Variants in PCGF5 observed in about 807,000 individuals in gnomAD.
The protein encoded by PCGF5 is polycomb group RING finger protein 5.
A neutral mutation model predicts 44.3 loss-of-function variants in PCGF5; 9 were observed. The ratio of observed to expected loss-of-function variants is 0.20; its 90% CI spans 0.12 to 0.35. The LOEUF is 0.35. Among genes scored for constraint, PCGF5 ranks in the 10% least tolerant of loss-of-function variants. The pLI is 1.00. For synonymous variants in PCGF5, 95 were observed against 102.5 expected, an observed-to-expected ratio of 0.93 and a Z score of 0.44; for missense variants, 146 against 305.3, an observed-to-expected ratio of 0.48 and a Z score of 3.89.
At position 91,282,616 on chromosome 10, in the gene PCGF5, C is replaced by T. The variant is rs965942188; in HGVS notation, c.*4300C>T. 2.4e-4 allele frequency: 37 copies of T among 152,598 alleles called. No individual in the cohort carries two copies. The highest frequency in any genetic ancestry group is 8.2e-4 in the African/African-American group (34 of 41,438). 9.5% of individuals were successfully genotyped at this position (152,598 alleles called of 1,614,324 possible). A position where few individuals can be genotyped will look rare whatever the true frequency, so the allele number is the denominator to read the frequency against. On this transcript the variant is annotated 3_prime_UTR_variant, in exon 10 of 10. Transcript: ENST00000336126. Reference sequence around the variant, plus strand: ...CATCAAGAGGAAGTTCCATATCCCCCTTGTACCATTTCTCCTTGGGAACTC... The same window carrying T: ...CATCAAGAGGAAGTTCCATATCCCCTTTGTACCATTTCTCCTTGGGAACTC...
chr10:91,262,291 T>G (rs1028958599), intron 7 of PCGF5, among the ~76,000 whole-genome samples: 3 of 152,044 alleles, frequency 2.0e-5, no homozygotes, highest in Non-Finnish European at 4.4e-5. Context: ...CCGGGTGTGG[T>G]GGCAGGTGCC....
At chr10:91,197,912 G>A (rs528301117) in intron 1 of PCGF5, among the ~76,000 whole-genome samples, 12 of 152,284 alleles carry the variant, frequency 7.9e-5, no homozygotes, top group African/African-American at 2.9e-4. Flanking sequence ...TTAGGAAAGA[G>A]TTCTCCTGGT....
intron 5 of PCGF5, among the ~76,000 whole-genome samples, 174 bp downstream of exon 5, chr10:91,248,898 G>A (rs376238542): frequency 2.0e-4 from 31 of 152,038 alleles, no homozygotes; most frequent in African/African-American, 4.8e-4. Context: ...ATAAATGAGT[G>A]TAAATCTGAA....
At chr10:91,277,778 G>A (rs1343588754) in intron 9 of PCGF5, among the ~76,000 whole-genome samples, 4 of 152,024 alleles carry the variant, frequency 2.6e-5, no homozygotes, top group African/African-American at 9.7e-5. Context: ...AAACTTGTAA[G>A]AAATATGATT....
the PCGF5 span, among the ~76,000 whole-genome samples, chr10:91,157,508 G>A: frequency 1.3e-5 from 2 of 152,168 alleles, no homozygotes; most frequent in Non-Finnish European, 2.9e-5. Flanking sequence ...TGGAGACAGT[G>A]AAACCATTAG....
chr10:91,242,982 TA>T (rs1380159729), intron 3 of PCGF5, among the ~76,000 whole-genome samples: 2 of 152,232 alleles, frequency 1.3e-5, no homozygotes, highest in African/African-American at 2.4e-5. Context: ...GGAATTTTTT[TA>T]AAGACATAAA....
intron 3 of PCGF5, 150 bp from the exon 4 acceptor site, chr10:91,248,355 T>A (rs1845525251): frequency 1.4e-6 from 1 of 708,972 alleles, no homozygotes; most frequent in Admixed American, 2.6e-5. Flanking sequence ...TAAATAAGTG[T>A]GTTCCATGGA....
At chr10:91,246,329 CAG>C (rs2133364734) in intron 3 of PCGF5, among the ~76,000 whole-genome samples, 1 of 152,130 alleles carries the variant, frequency 6.6e-6, no homozygotes, top group South Asian at 2.1e-4. Flanking sequence ...TCGGAGAGTA[CAG>C]AGAGTATTTG....
At chr10:91,224,270 G>T (rs903734707) in intron 2 of PCGF5, among the ~76,000 whole-genome samples, 2 of 152,106 alleles carry the variant, frequency 1.3e-5, no homozygotes, top group Non-Finnish European at 2.9e-5. Flanking sequence ...GGTATTACTG[G>T]CACATCTTAT....
chr10:91,246,798 A>G (rs1845470821), intron 3 of PCGF5, among the ~76,000 whole-genome samples: 1 of 152,122 alleles, frequency 6.6e-6, no homozygotes, highest in Admixed American at 6.6e-5. Context: ...AAAAAGCGAG[A>G]CAATGACTGG....
At chr10:91,197,584 A>G (rs1394314276) in intron 1 of PCGF5, among the ~76,000 whole-genome samples, 4 of 152,106 alleles carry the variant, frequency 2.6e-5, no homozygotes, top group Non-Finnish European at 5.9e-5. Context: ...AATGACTGGT[A>G]TGAGCTCACA....
chr10:91,244,452 C>T (rs1342944688), intron 3 of PCGF5, among the ~76,000 whole-genome samples: 1 of 152,170 alleles, frequency 6.6e-6, no homozygotes, highest in African/African-American at 2.4e-5. Context: ...GCAGAGAGAT[C>T]ATGAGATTCC....
At chr10:91,264,371 A>G (rs1845998049) in intron 7 of PCGF5, 60 bp from the exon 8 acceptor site, 2 of 1,377,034 alleles carry the variant, frequency 1.5e-6, no homozygotes, top group Admixed American at 2.3e-5. Flanking sequence ...TTCAAAAAAT[A>G]TGCAAAATAC....
intron 8 of PCGF5, among the ~76,000 whole-genome samples, chr10:91,270,116 A>C (rs1359984468): frequency 2.0e-5 from 3 of 152,182 alleles, no homozygotes; most frequent in Non-Finnish European, 4.4e-5. Flanking sequence ...TTCATCCCTG[A>C]GAGCTTATTG....
At chr10:91,217,739 A>G (rs985680677), upstream of PCGF5, among the ~76,000 whole-genome samples, 1 of 152,090 alleles carries the variant, frequency 6.6e-6, no homozygotes. Flanking sequence ...CTCCTCATCC[A>G]TTCTTCCCTT....
intron 1 of PCGF5, among the ~76,000 whole-genome samples, chr10:91,195,597 C>T (rs1045896948): frequency 6.6e-6 from 1 of 151,244 alleles, no homozygotes; most frequent in Non-Finnish European, 1.5e-5. Context: ...TAATCCTCCA[C>T]CTCATTTTTT....
At chr10:91,158,310 GTAC>G (rs1231821285), upstream of PCGF5, among the ~76,000 whole-genome samples, 1 of 152,122 alleles carries the variant, frequency 6.6e-6, no homozygotes, top group Non-Finnish European at 1.5e-5. Flanking sequence ...CTCTTTAAAT[GTAC>G]TTCATAATAT....
intron 1 of PCGF5, among the ~76,000 whole-genome samples, chr10:91,180,091 A>G (rs1322487403): frequency 2.6e-5 from 4 of 152,048 alleles, no homozygotes; most frequent in African/African-American, 4.8e-5. Flanking sequence ...CATTTCTCTA[A>G]TGATCAGTGA....
chr10:91,206,549 A>G (rs1275413924), intron 1 of PCGF5, among the ~76,000 whole-genome samples: 1 of 152,160 alleles, frequency 6.6e-6, no homozygotes, highest in Non-Finnish European at 1.5e-5. Context: ...AGGAGAGTAC[A>G]CTTGGCTGCA....
Sources: allele counts gnomAD v4.1 joint callset (sites outside exome capture counted in the v4.1 genomes callset), GRCh38; gene constraint gnomAD v4.1.1; transcripts MANE v1.5; gene names NCBI Gene and HGNC (gene_info 2026-07-23, HGNC 2026-07-21).